The following LRFN5 variants were observed in gnomAD, a reference collection of about 807,000 sequenced individuals.
LRFN5 encodes leucine rich repeat and fibronectin type III domain containing 5.
Under a neutral mutation model 45.6 loss-of-function variants are expected in LRFN5, and 24 were observed. That is an observed-to-expected ratio of 0.53 (90% CI 0.38 to 0.74). The LOEUF (loss-of-function observed/expected upper bound fraction) is 0.74. Ranked by LOEUF, LRFN5 falls within the 30% of genes least tolerant of loss-of-function variation. LRFN5 has a pLI of 0.00. For synonymous variants in LRFN5, 340 were observed against 313.8 expected (o/e 1.08, Z -0.88); for missense variants, 776 against 861.5 (o/e 0.90, Z 1.24).
chr14:41,683,275 A>G (rs187662784), intron 1 of LRFN5, among the ~76,000 whole-genome samples: 3 of 152,312 alleles, frequency 2.0e-5, no homozygotes, highest in Non-Finnish European at 4.4e-5. Flanking sequence ...ACATCTCTTC[A>G]TGATAAAATA....
chr14:41,758,357 C>T (rs149795782), intron 1 of LRFN5, among the ~76,000 whole-genome samples: 10 of 152,310 alleles, frequency 6.6e-5, no homozygotes, highest in African/African-American at 2.2e-4. Flanking sequence ...ATCATAGAGA[C>T]AATTAATCCC....
At chr14:41,792,520 C>T (rs1886961669) in intron 2 of LRFN5, among the ~76,000 whole-genome samples, 1 of 151,830 alleles carries the variant, frequency 6.6e-6, no homozygotes, top group African/African-American at 2.4e-5. Flanking sequence ...TTATAGACCA[C>T]CCCCCAGGAA....
chr14:41,760,453 A>G (rs900442341), intron 1 of LRFN5, among the ~76,000 whole-genome samples: 5 of 152,190 alleles, frequency 3.3e-5, no homozygotes, highest in African/African-American at 9.7e-5. Context: ...ATATTAATAA[A>G]CAAACAGAAC....
intron 2 of LRFN5, among the ~76,000 whole-genome samples, chr14:41,787,672 G>T (rs1359713621): frequency 6.6e-6 from 1 of 151,244 alleles, no homozygotes; most frequent in African/African-American, 2.4e-5. Context: ...TTGTTGTCTA[G>T]TTTATATTTT....
intron 1 of LRFN5, among the ~76,000 whole-genome samples, chr14:41,665,849 T>G (rs907793144): frequency 6.6e-6 from 1 of 152,034 alleles, no homozygotes. Context: ...TAATTATAAT[T>G]TAAATCCAAT....
intron 4 of LRFN5, among the ~76,000 whole-genome samples, chr14:41,896,359 G>C (rs929556447): frequency 6.6e-6 from 1 of 152,172 alleles, no homozygotes; most frequent in Non-Finnish European, 1.5e-5. Context: ...GACTATCTAC[G>C]ATCTTTCCTT....
At chr14:41,847,897 A>G (rs1889124495) in intron 2 of LRFN5, among the ~76,000 whole-genome samples, 1 of 151,206 alleles carries the variant, frequency 6.6e-6, no homozygotes, top group Admixed American at 6.6e-5. Context: ...GGAAGTTTCA[A>G]ACACTTTCTC....
Position 41,667,617 on chromosome 14 carries a change from G to A in LRFN5, c.-197+59055G>A, listed in dbSNP as rs1466341680. Among the ~76,000 whole-genome samples the A allele has an allele frequency of 2.6e-5, 4 of 152,102 alleles. No homozygotes were observed. The East Asian group carries it at 7.7e-4, about 29-fold the overall frequency. On this transcript the variant is annotated intron_variant, in intron 1 of 5. Transcript: ENST00000298119. ...TCTTTGGTAAGACTCATCAATCCCTGCCTCATTGATGAATTTAAACATTCC... is the reference window on the plus strand; with the variant it reads ...TCTTTGGTAAGACTCATCAATCCCTACCTCATTGATGAATTTAAACATTCC...
chr14:41,820,399 C>T (rs781448472), intron 2 of LRFN5, among the ~76,000 whole-genome samples: 2 of 151,776 alleles, frequency 1.3e-5, no homozygotes, highest in Non-Finnish European at 1.5e-5. Flanking sequence ...TTTGTATTGA[C>T]TTTATTGATA....
intron 2 of LRFN5, among the ~76,000 whole-genome samples, chr14:41,856,250 C>T (rs1289304166): frequency 6.6e-6 from 1 of 152,198 alleles, no homozygotes; most frequent in Admixed American, 6.5e-5. Flanking sequence ...CTTCTATAAA[C>T]ACATGATCAA....
chr14:41,765,464 A>C (rs1885850187), intron 1 of LRFN5, among the ~76,000 whole-genome samples: 1 of 152,100 alleles, frequency 6.6e-6, no homozygotes, highest in Admixed American at 6.6e-5. Flanking sequence ...TTCTGAAAGA[A>C]TGTTCTAAAA....
At chr14:41,654,054 TG>T (rs947823764) in intron 1 of LRFN5, among the ~76,000 whole-genome samples, 6 of 151,060 alleles carry the variant, frequency 4.0e-5, no homozygotes, top group African/African-American at 9.8e-5. Flanking sequence ...GTCGTGGGGT[TG>T]GGGGAAGGGG....
At chr14:41,889,750 G>C (rs1218726399) in intron 3 of LRFN5, among the ~76,000 whole-genome samples, 1 of 152,132 alleles carries the variant, frequency 6.6e-6, no homozygotes, top group Non-Finnish European at 1.5e-5. Context: ...GTTTAGTAAT[G>C]CCTGTTATTT....
At chr14:41,668,324 A>G (rs1254838735) in intron 1 of LRFN5, among the ~76,000 whole-genome samples, 1 of 152,140 alleles carries the variant, frequency 6.6e-6, no homozygotes, top group African/African-American at 2.4e-5. Context: ...ATTTTGTAGG[A>G]AGAATTAGGA....
chr14:41,818,659 G>T (rs191002273), intron 2 of LRFN5, among the ~76,000 whole-genome samples: 4 of 152,018 alleles, frequency 2.6e-5, no homozygotes, highest in African/African-American at 9.6e-5. Flanking sequence ...TGTTTCAATT[G>T]TAACTAATGT....
At chr14:41,900,787 T>C (rs892215643) in intron 5 of LRFN5, among the ~76,000 whole-genome samples, 1 of 152,168 alleles carries the variant, frequency 6.6e-6, no homozygotes, top group African/African-American at 2.4e-5. Context: ...TGTCTACCAC[T>C]GTGAGAAGAC....
intron 1 of LRFN5, among the ~76,000 whole-genome samples, chr14:41,746,068 G>C (rs956243890): frequency 6.6e-6 from 1 of 151,944 alleles, no homozygotes; most frequent in Admixed American, 6.6e-5. Context: ...ATTGCAGGCA[G>C]TTACGCCTTA....
intron 1 of LRFN5, among the ~76,000 whole-genome samples, chr14:41,676,528 A>C (rs1566616634): frequency 6.6e-6 from 1 of 152,204 alleles, no homozygotes; most frequent in Admixed American, 6.5e-5. Context: ...CAAAGAAACA[A>C]AAAATTCAAT....
intron 2 of LRFN5, among the ~76,000 whole-genome samples, chr14:41,884,277 T>C (rs1890488464): frequency 6.6e-6 from 1 of 152,234 alleles, no homozygotes; most frequent in Non-Finnish European, 1.5e-5. Context: ...TGTCCAAAAC[T>C]TGTTGTTTTA....
Sources: gnomAD v4.1 joint callset for allele counts (sites outside exome capture counted in the v4.1 genomes callset) on GRCh38, gnomAD v4.1.1 for gene constraint, MANE v1.5 for transcripts, NCBI Gene and HGNC (gene_info 2026-07-23, HGNC 2026-07-21) for gene names.